Variants in NRG2 observed in about 807,000 individuals in gnomAD.
The protein encoded by NRG2 is neuregulin 2.
NRG2 carries 27 observed loss-of-function variants against 73.9 expected under a neutral mutation model. The ratio of observed to expected loss-of-function variants is 0.37; its 90% CI spans 0.27 to 0.50. The LOEUF (loss-of-function observed/expected upper bound fraction) is 0.50. NRG2 is among the 20% of genes least tolerant of loss of function. The pLI is 0.96. For synonymous variants in NRG2, 532 were observed against 541.0 expected (o/e 0.98, Z 0.23); for missense variants, 1,126 against 1,210.1 (o/e 0.93, Z 1.03).
chr5:139,944,025 T>C (rs1753607430), intron 1 of NRG2, among the ~76,000 whole-genome samples: 1 of 152,212 alleles, frequency 6.6e-6, no homozygotes, highest in African/African-American at 2.4e-5. Context: ...TAATGTTTTC[T>C]CAACTATACT....
intron 5 of NRG2, chr5:139,860,020 C>T: frequency 1.8e-6 from 2 of 1,126,228 alleles, no homozygotes; most frequent in South Asian, 1.3e-5. Context: ...CAGGACTCCT[C>T]AGACACCGGG....
chr5:139,991,482 C>A (rs1228086816), intron 1 of NRG2, among the ~76,000 whole-genome samples: 1 of 151,872 alleles, frequency 6.6e-6, no homozygotes, highest in East Asian at 1.9e-4. Context: ...TTATCTGAGA[C>A]AAAGTTTCAC....
At chr5:139,976,967 C>T (rs946975911) in intron 1 of NRG2, among the ~76,000 whole-genome samples, 3 of 152,178 alleles carry the variant, frequency 2.0e-5, no homozygotes, top group Admixed American at 6.5e-5. Flanking sequence ...TCTTACTTTC[C>T]TCTTCAGTAA....
chr5:140,031,669 T>C (rs554162932), intron 1 of NRG2, among the ~76,000 whole-genome samples: 3 of 152,174 alleles, frequency 2.0e-5, no homozygotes, highest in East Asian at 1.9e-4. Context: ...TCTAAAGCCA[T>C]ACAAAGTAAC....
intron 5 of NRG2, among the ~76,000 whole-genome samples, chr5:139,862,931 A>G (rs1187287970): frequency 6.6e-6 from 1 of 152,242 alleles, no homozygotes; most frequent in African/African-American, 2.4e-5. Context: ...TGATCTCTGC[A>G]AAAGATAACC....
intron 1 of NRG2, among the ~76,000 whole-genome samples, chr5:139,973,237 T>C (rs542568136): frequency 1.0e-4 from 15 of 149,646 alleles, no homozygotes; most frequent in African/African-American, 3.4e-4. Flanking sequence ...AAATTTCTAA[T>C]AATAAATAAT....
At chr5:139,998,529 T>A (rs1758200329) in intron 1 of NRG2, among the ~76,000 whole-genome samples, 1 of 152,130 alleles carries the variant, frequency 6.6e-6, no homozygotes, top group African/African-American at 2.4e-5. Context: ...GGACTGCAGG[T>A]GAAGATAGCC....
chr5:139,964,765 C>A (rs974411515), intron 1 of NRG2, among the ~76,000 whole-genome samples: 4 of 152,184 alleles, frequency 2.6e-5, no homozygotes, highest in African/African-American at 9.7e-5. Context: ...TGGTTGGGTC[C>A]TATCAAGTCC....
Position 139,865,753 on chromosome 5 carries a change from T to C in NRG2, c.1113-128A>G, listed in dbSNP as rs1407464910. ...AGGCACTTGGGGTCATACTTGTAGCTGAAGGGACTGGAGTCAGGGCTGGGT... is the reference window on the plus strand; with the variant it reads ...AGGCACTTGGGGTCATACTTGTAGCCGAAGGGACTGGAGTCAGGGCTGGGT... On this transcript the variant is annotated intron_variant, in intron 4 of 9. Coordinates refer to ENST00000361474, the MANE Select transcript of NRG2 (RefSeq NM_004883.3). This position sits in a 1 kb window ranked among gnomAD's most constrained non-coding sequence, Gnocchi z 5.2. 3.0e-6 allele frequency: 2 copies of C among 677,688 alleles called. No homozygotes were observed. Among genetic ancestry groups the C allele is most frequent in the South Asian group, 3.9e-5 (2 of 51,050 alleles). The allele number at this position is 677,688 out of a possible 1,614,324, so 42.0% of individuals were successfully genotyped here.
chr5:139,927,906 A>G (rs1438231512), intron 1 of NRG2, among the ~76,000 whole-genome samples: 3 of 151,964 alleles, frequency 2.0e-5, no homozygotes, highest in Admixed American at 1.3e-4. Flanking sequence ...TGAGATGGCC[A>G]CCAGTTCACA....
At position 139,848,247 on chromosome 5, in the gene NRG2, C is replaced by G. The variant is rs1761139275; in HGVS notation, c.2223G>C (p.Arg741=). 2 of 1,125,416 alleles carry G rather than the reference C, an allele frequency of 1.8e-6. No homozygotes were observed. The highest frequency in any genetic ancestry group is 9.5e-5 in the East Asian group (2 of 21,156). 69.7% of individuals were successfully genotyped at this position (1,125,416 alleles called of 1,614,324 possible). A position where few individuals can be genotyped will look rare whatever the true frequency, so the allele number is the denominator to read the frequency against. Residue 741 remains arginine (R), a synonymous_variant, in exon 10 of 10, where the codon CGG becomes CGC. Transcript: ENST00000361474. The part of the protein sequence containing the change: ...GASRRTSAGP[R]RWRRSRLNGL... ...CGTTGAGGCGCGAGCGGCGCCAGCG[C>G]CGGGGCCCCGCCGACGTCCTGCGGG...
rs79451486 is a variant in NRG2, at chr5:139,904,514, T to C, written c.701-17003A>G. 3.7e-5 allele frequency: 20 copies of C among 540,868 alleles called. No individual in the cohort carries two copies. The South Asian group carries it at 5.1e-4, about 14-fold the overall frequency. 33.5% of individuals were successfully genotyped at this position (540,868 alleles called of 1,614,324 possible). A position where few individuals can be genotyped will look rare whatever the true frequency, so the allele number is the denominator to read the frequency against. Reference sequence around the variant, plus strand: ...GCCTTTCTTATAGGCGGTCACACCCTCCGGGGGAGGGGAGCAGCGAGCCTT... The same window carrying C: ...GCCTTTCTTATAGGCGGTCACACCCCCCGGGGGAGGGGAGCAGCGAGCCTT... On this transcript the variant is annotated intron_variant, in intron 1 of 9. Coordinates refer to ENST00000361474, the MANE Select transcript of NRG2 (RefSeq NM_004883.3). The surrounding 1 kb of genome is among the most constrained non-coding windows in gnomAD (Gnocchi z 6.0).
chr5:139,967,905 G>A (rs2126522017), intron 1 of NRG2, among the ~76,000 whole-genome samples: 1 of 152,064 alleles, frequency 6.6e-6, no homozygotes, highest in South Asian at 2.1e-4. Flanking sequence ...GTTGCAGTGA[G>A]CTGAGATCGC....
chr5:139,848,828 A>G (rs1243360928), intron 9 of NRG2, 131 bp from the exon 10 acceptor site: 2 of 817,558 alleles, frequency 2.4e-6, no homozygotes, highest in African/African-American at 1.8e-5. Flanking sequence ...CCCGCCTGCA[A>G]GAATGACGGC....
At chr5:140,025,531 T>C (rs1464594035) in intron 1 of NRG2, among the ~76,000 whole-genome samples, 1 of 152,212 alleles carries the variant, frequency 6.6e-6, no homozygotes, top group African/African-American at 2.4e-5. Flanking sequence ...AGCCATATTC[T>C]CCAATCTTGA....
At chr5:139,913,687 G>A (rs1471525055) in intron 1 of NRG2, among the ~76,000 whole-genome samples, 1 of 152,188 alleles carries the variant, frequency 6.6e-6, no homozygotes, top group Non-Finnish European at 1.5e-5. Context: ...GCACAGTGCT[G>A]GCCATTGCAG....
At chr5:139,880,260 G>C (rs2127102452) in intron 3 of NRG2, among the ~76,000 whole-genome samples, 1 of 152,290 alleles carries the variant, frequency 6.6e-6, no homozygotes, top group East Asian at 1.9e-4. Context: ...CAGGAAGGCA[G>C]CCTCTACCCT....
intron 1 of NRG2, among the ~76,000 whole-genome samples, chr5:139,965,453 G>A (rs1253485888): frequency 6.6e-6 from 1 of 152,244 alleles, no homozygotes; most frequent in Non-Finnish European, 1.5e-5. Flanking sequence ...CCAAACAGCA[G>A]AGCGACGCAG....
chr5:139,864,758 A>G (rs1290165185), intron 5 of NRG2, among the ~76,000 whole-genome samples: 1 of 93,864 alleles, frequency 1.1e-5, no homozygotes, highest in Non-Finnish European at 1.9e-5. Flanking sequence ...ACACGTCGGC[A>G]CACACACACA....
Sources: gnomAD v4.1 joint callset for allele counts (sites outside exome capture counted in the v4.1 genomes callset) on GRCh38, gnomAD v4.1.1 for gene constraint, Gnocchi (gnomAD v3.1) non-coding constraint, MANE v1.5 for transcripts, NCBI Gene and HGNC (gene_info 2026-07-23, HGNC 2026-07-21) for gene names.